Variants in EPCIP observed in about 807,000 individuals in gnomAD.
EPCIP encodes the protein exosomal polycystin 1 interacting protein.
chr21:32,807,530 G>C, the EPCIP span: 76 of 152,058 alleles, frequency 5.0e-4, no homozygotes, highest in African/African-American at 1.8e-3. Context: ...CCTCCGTGTT[G>C]GTCAGGCTGG....
the EPCIP span, among the ~76,000 whole-genome samples, chr21:32,807,168 CA>C: frequency 3.3e-5 from 5 of 152,148 alleles, no homozygotes; most frequent in African/African-American, 1.2e-4. Flanking sequence ...CAAACCATAT[CA>C]GGGGGTCAGG....
the EPCIP span, chr21:32,798,795 C>G: frequency 1.3e-5 from 2 of 152,114 alleles, no homozygotes; most frequent in Non-Finnish European, 2.9e-5. Context: ...GAAACCCTGT[C>G]TCTACCAAAA....
At chr21:32,798,916 T>C in the EPCIP span, 1 of 152,158 alleles carries the variant, frequency 6.6e-6, no homozygotes, top group African/African-American at 2.4e-5. Context: ...TGAGCTGAAA[T>C]TGTGCCACTG....
At chr21:32,809,182 CGTGTGTGTGTGTGT>C in the EPCIP span, among the ~76,000 whole-genome samples, 10 of 121,144 alleles carry the variant, frequency 8.3e-5, no homozygotes, top group South Asian at 9.0e-4. Context: ...TCGAGGGGTG[CGTGTGTGTGTGTGT>C]GTGTGTGTGT....
chr21:32,811,218 C>T, the EPCIP span, among the ~76,000 whole-genome samples: 14 of 152,004 alleles, frequency 9.2e-5, no homozygotes, highest in South Asian at 2.9e-3. Flanking sequence ...GCAACCTCTG[C>T]ATCCCGGATT....
the EPCIP span, among the ~76,000 whole-genome samples, chr21:32,800,874 G>A: frequency 6.6e-6 from 1 of 152,128 alleles, no homozygotes; most frequent in Admixed American, 6.5e-5. Context: ...GAAAAATTTG[G>A]ATGTGTAGAC....
At chr21:32,796,938 G>C in the EPCIP span, 2 of 470,144 alleles carry the variant, frequency 4.3e-6, no homozygotes, top group Non-Finnish European at 8.8e-6. Flanking sequence ...CCCTGTTTCA[G>C]GTGCTGATCC....
chr21:32,803,695 G>A, the EPCIP span, among the ~76,000 whole-genome samples: 1 of 152,330 alleles, frequency 6.6e-6, no homozygotes, highest in African/African-American at 2.4e-5. Flanking sequence ...TTATGAAGTT[G>A]AAAACTAATT....
the EPCIP span, chr21:32,813,562 T>G: frequency 1.6e-4 from 74 of 470,262 alleles, 1 homozygote; most frequent in South Asian, 1.1e-3. Flanking sequence ...GACATGCTTT[T>G]TAAAAAAGAA....
chr21:32,793,967 T>C, the EPCIP span: 2 of 1,614,214 alleles, frequency 1.2e-6, no homozygotes, highest in Non-Finnish European at 8.5e-7. Flanking sequence ...CATGGGCTTC[T>C]CTCTGGAGTC....
chr21:32,795,063 C>G, the EPCIP span, among the ~76,000 whole-genome samples: 2 of 152,284 alleles, frequency 1.3e-5, no homozygotes, highest in South Asian at 4.1e-4. Flanking sequence ...GATAAACATG[C>G]CTCCCATCCC....
the EPCIP span, among the ~76,000 whole-genome samples, chr21:32,804,191 C>T: frequency 1.3e-5 from 2 of 151,492 alleles, no homozygotes; most frequent in Non-Finnish European, 2.9e-5. Flanking sequence ...AGTCGGAGAA[C>T]CTGTCTGAGT....
the EPCIP span, among the ~76,000 whole-genome samples, chr21:32,804,057 T>C: frequency 6.6e-6 from 1 of 152,178 alleles, no homozygotes; most frequent in African/African-American, 2.4e-5. Flanking sequence ...TAAATTCATG[T>C]CTCCATAAGT....
the EPCIP span, among the ~76,000 whole-genome samples, chr21:32,799,532 C>A: frequency 6.6e-6 from 1 of 152,224 alleles, no homozygotes; most frequent in Non-Finnish European, 1.5e-5. Context: ...AGAGCCATAA[C>A]TCAGATCTAT....
chr21:32,805,548 G>A, the EPCIP span, among the ~76,000 whole-genome samples: 1 of 152,092 alleles, frequency 6.6e-6, no homozygotes, highest in African/African-American at 2.4e-5. Context: ...TTTTAGTAGA[G>A]ATGGGGTTTC....
At chr21:32,794,986 C>T in the EPCIP span, among the ~76,000 whole-genome samples, 1 of 152,188 alleles carries the variant, frequency 6.6e-6, no homozygotes. Context: ...CAAGCGCTAC[C>T]TATTACACAA....
the EPCIP span, among the ~76,000 whole-genome samples, chr21:32,809,279 C>CCTTCTTTCTTT: frequency 1.3e-5 from 1 of 79,968 alleles, no homozygotes; most frequent in East Asian, 4.6e-4. Flanking sequence ...CTCCCTCCTT[C>CCTTCTTTCTTT]CTTTCTTTCT....
the EPCIP span, among the ~76,000 whole-genome samples, chr21:32,811,163 G>C: frequency 1.3e-5 from 2 of 150,348 alleles, no homozygotes; most frequent in Non-Finnish European, 3.0e-5. Context: ...CCGAGTCTCA[G>C]TCTGTCACCC....
chr21:32,803,454 G>C, the EPCIP span, among the ~76,000 whole-genome samples: 1 of 152,156 alleles, frequency 6.6e-6, no homozygotes, highest in Admixed American at 6.5e-5. Context: ...TCTTCCCGTT[G>C]AGGTCAAGGA....
Sources: gnomAD v4.1 joint callset for allele counts (sites outside exome capture counted in the v4.1 genomes callset) on GRCh38, gnomAD v4.1.1 for gene constraint, MANE v1.5 for transcripts, NCBI Gene and HGNC (gene_info 2026-07-23, HGNC 2026-07-21) for gene names.